SESN3: variants seen among roughly 807,000 people sequenced by gnomAD.
SESN3 encodes the protein sestrin-3.
A neutral mutation model predicts 55.3 loss-of-function variants in SESN3; 21 were observed. The ratio of observed to expected loss-of-function variants is 0.38; its 90% CI spans 0.27 to 0.55. The LOEUF is 0.55. Ranked by LOEUF, SESN3 falls within the 20% of genes least tolerant of loss-of-function variation. The pLI, the probability that SESN3 is intolerant of heterozygous loss-of-function variation, is 0.76. For synonymous variants in SESN3, 181 were observed against 203.1 expected (o/e 0.89, Z 0.93); for missense variants, 408 against 604.3 (o/e 0.68, Z 3.41).
At chr11:95,188,016 T>TAA (rs5793718) in intron 4 of SESN3, among the ~76,000 whole-genome samples, 2 of 144,132 alleles carry the variant, frequency 1.4e-5, no homozygotes, top group Non-Finnish European at 1.5e-5. Flanking sequence ...TCCCATGGCT[T>TAA]AAAAAAAAAA....
intron 1 of SESN3, among the ~76,000 whole-genome samples, chr11:95,221,969 G>A (rs1860866567): frequency 6.6e-6 from 1 of 152,176 alleles, no homozygotes; most frequent in South Asian, 2.1e-4. Context: ...GTTCATAGCT[G>A]GTTTGGGAGA....
Position 95,230,787 on chromosome 11 carries a change from C to A in SESN3, c.74G>T (p.Arg25Leu). The change falls in exon 1 of 10, where the codon CGG (arginine) becomes CTG (leucine). Residue 25 changes from arginine (R) to leucine (L), a missense_variant. By Grantham distance (102) the Arg-to-Leu change is moderately radical. This residue lies in a region of SESN3 where 61 missense variants were observed against 48.3 expected (regional missense o/e 1.26). Coordinates refer to ENST00000536441, the MANE Select transcript of SESN3 (RefSeq NM_144665.4). The surrounding 1 kb of genome is among the most constrained non-coding windows in gnomAD (Gnocchi z 4.6). ...LLCTNCRKVL[R>L]KDKRIRVSQP... Reference sequence around the variant, plus strand: ...GACCCCGGGCCGAACCCGTACCTTCCGCAGCACTTTCCGGCAGTTGGTACA... The same window carrying A: ...GACCCCGGGCCGAACCCGTACCTTCAGCAGCACTTTCCGGCAGTTGGTACA... 4.4e-6 allele frequency: 7 copies of A among 1,606,370 alleles called. No homozygotes were observed. The highest frequency in any genetic ancestry group is 5.9e-6 in the Non-Finnish European group (7 of 1,177,186).
chr11:95,177,764 A>T lies in SESN3; in HGVS notation c.1202T>A (p.Leu401Gln). The change falls in exon 8 of 10, where the codon CTG becomes CAG. Residue 401 changes from leucine to glutamine, a missense_variant. Around this residue, in one of 4 missense-constraint regions of SESN3, gnomAD observed 121 missense variants for 204.9 expected, o/e 0.59. Transcript: ENST00000536441. ...AACATAGTTAAATAAAGCTCTGCGC[A>T]GCATGGTTGTGTCAACATCCTCATG... ...ATHEDVDTTM[L>Q]RRALFNYVHC... The T allele has an allele frequency of 6.2e-7, 1 of 1,612,994 alleles. No homozygotes were observed. Among genetic ancestry groups the T allele is most frequent in the Non-Finnish European group, 8.5e-7 (1 of 1,179,560 alleles).
chr11:95,173,741 A>C (rs1406792531), intron 9 of SESN3, among the ~76,000 whole-genome samples: 1 of 152,034 alleles, frequency 6.6e-6, no homozygotes, highest in Non-Finnish European at 1.5e-5. Flanking sequence ...AGCTTTAAAA[A>C]ATTTTTCCTA....
At chr11:95,211,192 T>C (rs907885371) in intron 1 of SESN3, among the ~76,000 whole-genome samples, 11 of 152,220 alleles carry the variant, frequency 7.2e-5, no homozygotes, top group Non-Finnish European at 8.8e-5. Flanking sequence ...CTCTTTATTC[T>C]AGAAAGCCTG....
chr11:95,209,828 C>T (rs1439381692), intron 1 of SESN3, among the ~76,000 whole-genome samples: 1 of 150,492 alleles, frequency 6.6e-6, no homozygotes, highest in African/African-American at 2.4e-5. Flanking sequence ...ACCAGCCTGG[C>T]TAACATGGCG....
intron 2 of SESN3, among the ~76,000 whole-genome samples, chr11:95,192,498 C>A (rs1860286865): frequency 6.6e-6 from 1 of 152,060 alleles, no homozygotes; most frequent in Non-Finnish European, 1.5e-5. Context: ...AATTCAAGCT[C>A]ATGCACTTTA....
chr11:95,201,900 T>C (rs1565470237), intron 1 of SESN3, among the ~76,000 whole-genome samples: 2 of 152,056 alleles, frequency 1.3e-5, no homozygotes, highest in Non-Finnish European at 2.9e-5. Context: ...TGACTTGTCT[T>C]TTCTGTGCTC....
At position 95,173,126 on chromosome 11, in the gene SESN3, A is replaced by AAAC. The variant is rs1365242325; in HGVS notation, c.*128_*129insGTT. 1 of 541,128 alleles carries AAAC rather than the reference A, an allele frequency of 1.8e-6. No homozygotes were observed. The highest frequency in any genetic ancestry group is 3.3e-6 in the Non-Finnish European group (1 of 306,920). 33.5% of individuals were successfully genotyped at this position (541,128 alleles called of 1,614,324 possible). A position where few individuals can be genotyped will look rare whatever the true frequency, so the allele number is the denominator to read the frequency against. ...ATTACAGCCGCAAAAAACAAAAAAA[A>AAAC]AAAAACAAACGGCTAAACTTTGACA... On this transcript the variant is annotated 3_prime_UTR_variant, in exon 10 of 10. Transcript: ENST00000536441.
rs748942854 is a variant in SESN3, at chr11:95,171,590, A to G, written c.*1665T>C. 5 of 152,192 alleles carry G rather than the reference A, an allele frequency of 3.3e-5. No homozygotes were observed. The highest frequency in any genetic ancestry group is 7.4e-5 in the Non-Finnish European group (5 of 68,000). 9.4% of individuals were successfully genotyped at this position (152,192 alleles called of 1,614,324 possible). A position where few individuals can be genotyped will look rare whatever the true frequency, so the allele number is the denominator to read the frequency against. ...TAGTTCACGATTCTTTCACAAAAGA[A>G]AAGTTAAATCTTATATCACAAGTAA... On this transcript the variant is annotated 3_prime_UTR_variant, in exon 10 of 10. Coordinates refer to ENST00000536441, the MANE Select transcript of SESN3 (RefSeq NM_144665.4).
chr11:95,173,435 C>T, intron 9 of SESN3, 94 bp from the exon 10 acceptor site: 1 of 628,100 alleles, frequency 1.6e-6, no homozygotes, highest in Non-Finnish European at 3.0e-6. Context: ...TGTATATAAG[C>T]AATATACACA....
intron 9 of SESN3, among the ~76,000 whole-genome samples, chr11:95,173,831 T>C (rs749419476): frequency 3.9e-5 from 6 of 152,172 alleles, no homozygotes; most frequent in Non-Finnish European, 4.4e-5. Flanking sequence ...TAGACATACA[T>C]AGCTTCCCTA....
intron 1 of SESN3, among the ~76,000 whole-genome samples, chr11:95,202,356 TG>T (rs2134245888): frequency 6.6e-6 from 1 of 152,194 alleles, no homozygotes; most frequent in East Asian, 1.9e-4. Context: ...AGGAAATTAA[TG>T]TTCTCTGTAT....
At chr11:95,224,401 T>G in intron 1 of SESN3, 1 of 405,578 alleles carries the variant, frequency 2.5e-6, no homozygotes, top group Non-Finnish European at 4.8e-6. Flanking sequence ...GGAAAACAAC[T>G]GACAACAATC....
chr11:95,198,667 G>A (rs907010946), intron 1 of SESN3, among the ~76,000 whole-genome samples: 3 of 152,142 alleles, frequency 2.0e-5, no homozygotes, highest in Non-Finnish European at 4.4e-5. Context: ...CTAGCCACAT[G>A]TGCCTATTTA....
intron 1 of SESN3, among the ~76,000 whole-genome samples, chr11:95,210,618 A>G (rs1459834782): frequency 2.6e-5 from 4 of 152,222 alleles, no homozygotes; most frequent in South Asian, 4.1e-4. Flanking sequence ...TAATACATCA[A>G]TTAAAACAAA....
intron 1 of SESN3, among the ~76,000 whole-genome samples, chr11:95,195,521 A>T (rs1860344864): frequency 6.6e-6 from 1 of 152,218 alleles, no homozygotes; most frequent in Non-Finnish European, 1.5e-5. Context: ...CAGAATGCAT[A>T]TAACCAGCTA....
rs1416198066 is a variant in SESN3, at chr11:95,168,284, T to G, written c.*4971A>C. ...GGAGAATTTTAACTTTACATTCAAATAGCTTGGACTAACAACAGTATTCAT... is the reference window on the plus strand; with the variant it reads ...GGAGAATTTTAACTTTACATTCAAAGAGCTTGGACTAACAACAGTATTCAT... On this transcript the variant is annotated 3_prime_UTR_variant, in exon 10 of 10. Transcript: ENST00000536441. The G allele has an allele frequency of 1.3e-5, 2 of 152,214 alleles. No individual in the cohort carries two copies. The highest frequency in any genetic ancestry group is 4.8e-5 in the African/African-American group (2 of 41,458). The allele number at this position is 152,214 out of a possible 1,614,324, so 9.4% of individuals were successfully genotyped here. A position where few individuals can be genotyped will look rare whatever the true frequency, so the allele number is the denominator to read the frequency against.
In SESN3 at chr11:95,185,371, C is replaced by G. The variant is rs535261299; in HGVS notation, c.647G>C (p.Arg216Thr). 6.2e-7 allele frequency: 1 copy of G among 1,613,066 alleles called. No homozygotes were observed. The highest frequency in any genetic ancestry group is 1.1e-5 in the South Asian group (1 of 91,064). ...GAATCCATTGGAGATTTCTGGATCT[C>G]TCTCTGGATTGATACCACTACCAAA... Reference protein sequence around the residue: ...FVFGSGINPERDPEISNGFRL... With the variant: ...FVFGSGINPETDPEISNGFRL... The change falls in exon 5 of 10, where the codon AGA (arginine) becomes ACA (threonine). Residue 216 changes from arginine (R) to threonine (T), a missense_variant. Physicochemically the swap from Arg to Thr is moderately conservative, Grantham distance 71. Transcript: ENST00000536441.
Sources: gnomAD v4.1 joint callset for allele counts (sites outside exome capture counted in the v4.1 genomes callset) on GRCh38, gnomAD v4.1.1 for gene constraint, gnomAD v4.1.1 regional missense constraint, Gnocchi (gnomAD v3.1) non-coding constraint, MANE v1.5 for transcripts, NCBI Gene and HGNC (gene_info 2026-07-23, HGNC 2026-07-21) for gene names.